Variants in NHSL1 observed in about 807,000 individuals in gnomAD.
NHSL1 encodes the protein NHS-like protein 1.
Under a neutral mutation model 95.0 loss-of-function variants are expected in NHSL1, and 48 were observed. The ratio of observed to expected loss-of-function variants is 0.51; its 90% CI spans 0.40 to 0.64. The LOEUF is 0.64. NHSL1 is among the 30% of genes least tolerant of loss of function. The pLI is 0.00. For missense variants in NHSL1, 1,971 were observed against 2,077.7 expected (o/e 0.95, Z 1.00); for synonymous variants, 783 against 833.9 (o/e 0.94, Z 1.05).
At chr6:138,528,437 A>C (rs1451647864) in intron 1 of NHSL1, among the ~76,000 whole-genome samples, 1 of 152,068 alleles carries the variant, frequency 6.6e-6, no homozygotes, top group African/African-American at 2.4e-5. Flanking sequence ...CTGCCAACCT[A>C]CCCTGCCTTT....
intron 5 of NHSL1, among the ~76,000 whole-genome samples, chr6:138,440,308 A>C (rs1267496884): frequency 2.6e-5 from 4 of 152,204 alleles, no homozygotes; most frequent in Admixed American, 6.5e-5. Flanking sequence ...AGTCTGAAAG[A>C]ATAAGGCATA....
intron 7 of NHSL1, among the ~76,000 whole-genome samples, chr6:138,426,213 T>C (rs1775252910): frequency 6.6e-6 from 1 of 152,214 alleles, no homozygotes; most frequent in African/African-American, 2.4e-5. Context: ...TATAAAATTG[T>C]AGAATATGCA....
rs146123330 is a variant in NHSL1, at chr6:138,554,491, A to T, written c.202+17219T>A. Among the ~76,000 whole-genome samples, 93 of 152,334 alleles carry T rather than the reference A, an allele frequency of 6.1e-4. 2 individuals are homozygous for T. In the East Asian group the frequency reaches 0.018, roughly 29 times the overall value. ...AGGCGGACCACAGTTCTGCCACAAT[A>T]TATGTGTTAATAAAACATAACCAGA... On this transcript the variant is annotated intron_variant, in intron 1 of 6. Coordinates refer to the NHSL1 transcript ENST00000427025.
intron 2 of NHSL1, among the ~76,000 whole-genome samples, chr6:138,495,673 T>C (rs750829361): frequency 2.0e-5 from 3 of 152,174 alleles, no homozygotes; most frequent in Non-Finnish European, 4.4e-5. Flanking sequence ...AATAGGCAAG[T>C]TTCTGCAGAG....
intron 1 of NHSL1, among the ~76,000 whole-genome samples, chr6:138,512,108 C>T (rs1781260138): frequency 1.3e-5 from 2 of 152,260 alleles, no homozygotes; most frequent in Admixed American, 6.5e-5. Flanking sequence ...AATAAAGCTG[C>T]CACAATCAAT....
intron 1 of NHSL1, among the ~76,000 whole-genome samples, chr6:138,624,021 G>T (rs6912141): frequency 0.039 from 5,933 of 152,230 alleles, 308 homozygotes; most frequent in African/African-American, 0.12. Context: ...CAGCCATGTG[G>T]AACTGTGAGT....
intron 1 of NHSL1, among the ~76,000 whole-genome samples, chr6:138,561,377 C>G (rs866540224): frequency 6.6e-6 from 1 of 152,144 alleles, no homozygotes; most frequent in Non-Finnish European, 1.5e-5. Context: ...CTTATTCCCT[C>G]CTCTTCCCTC....
In NHSL1 at chr6:138,424,705, T is replaced by A; in HGVS notation, c.4197A>T (p.Pro1399=). 2 of 1,551,428 alleles carry A rather than the reference T, an allele frequency of 1.3e-6. No individual in the cohort carries two copies. The highest frequency in any genetic ancestry group is 1.7e-6 in the Non-Finnish European group (2 of 1,146,932). The part of the protein sequence containing the change: ...PTGAAPSLAS[P]KQVGSIQRSI... ...TTCTCTGAATCGACCCCACTTGCTTTGGAGAGGCCAGGCTTGGGGCAGCGC... is the reference window on the plus strand; with the variant it reads ...TTCTCTGAATCGACCCCACTTGCTTAGGAGAGGCCAGGCTTGGGGCAGCGC... Residue 1399 remains proline (P), a synonymous_variant, in exon 8 of 8, where the codon CCA becomes CCT. Transcript: ENST00000343505. The surrounding 1 kb of genome is among the most constrained non-coding windows in gnomAD (Gnocchi z 5.9).
At chr6:138,490,395 T>C (rs190592487) in intron 2 of NHSL1, among the ~76,000 whole-genome samples, 5 of 152,146 alleles carry the variant, frequency 3.3e-5, no homozygotes, top group Admixed American at 1.3e-4. Context: ...ATCTGCGATA[T>C]CTCAGGGACC....
chr6:138,685,621 T>A (rs1202322567), intron 1 of NHSL1, among the ~76,000 whole-genome samples: 2 of 151,882 alleles, frequency 1.3e-5, no homozygotes, highest in Non-Finnish European at 2.9e-5. Flanking sequence ...GAGGCCAAGG[T>A]GGGAGGATTG....
chr6:138,495,868 T>C (rs369630075), intron 2 of NHSL1, among the ~76,000 whole-genome samples: 7 of 152,226 alleles, frequency 4.6e-5, no homozygotes, highest in South Asian at 4.1e-4. Context: ...CAAGAGAGAA[T>C]TGACAGCCAA....
At chr6:138,515,045 C>T (rs997865765) in intron 1 of NHSL1, among the ~76,000 whole-genome samples, 6 of 151,992 alleles carry the variant, frequency 3.9e-5, no homozygotes, top group Non-Finnish European at 7.4e-5. Context: ...CTGTGACTGA[C>T]GGGCAGGCAG....
chr6:138,449,121 C>T (rs1193334736), intron 3 of NHSL1, among the ~76,000 whole-genome samples: 1 of 151,332 alleles, frequency 6.6e-6, no homozygotes, highest in East Asian at 1.9e-4. Context: ...CTACTGCATT[C>T]ATCTTGCTGC....
At chr6:138,547,680 G>A (rs1431746248), upstream of NHSL1, among the ~76,000 whole-genome samples, 1 of 152,192 alleles carries the variant, frequency 6.6e-6, no homozygotes, top group Non-Finnish European at 1.5e-5. Context: ...ACCATCCCCG[G>A]CCTGATATTA....
chr6:138,589,666 C>A (rs1317846173), intron 1 of NHSL1, among the ~76,000 whole-genome samples: 1 of 152,206 alleles, frequency 6.6e-6, no homozygotes, highest in Non-Finnish European at 1.5e-5. Context: ...CATTCCACCT[C>A]CTTCTCACAG....
At position 138,472,090 on chromosome 6, in the gene NHSL1, G is replaced by A. The variant is rs548171106; in HGVS notation, c.339+1216C>T. On this transcript the variant is annotated intron_variant, in intron 3 of 7. Transcript: ENST00000343505. The stretch of plus-strand genomic sequence containing the variant: ...CCAGCTACTTGGGAGGCTGAGGTAC[G>A]AGAATTGCTTGAACCTGGGAGATGG... Among the ~76,000 whole-genome samples the A allele has an allele frequency of 4.7e-5, 7 of 149,852 alleles. No individual in the cohort carries two copies. The South Asian group carries it at 1.5e-3, about 31-fold the overall frequency.
chr6:138,680,615 T>C (rs1424149328), intron 1 of NHSL1, among the ~76,000 whole-genome samples: 1 of 152,186 alleles, frequency 6.6e-6, no homozygotes, highest in Non-Finnish European at 1.5e-5. Context: ...TCCCTTTTCC[T>C]CTTTTATTTT....
intron 2 of NHSL1, among the ~76,000 whole-genome samples, chr6:138,484,095 C>T (rs1225999774): frequency 6.6e-6 from 1 of 152,204 alleles, no homozygotes; most frequent in Non-Finnish European, 1.5e-5. Context: ...ATGTCTGGTG[C>T]ACCATCATGG....
chr6:138,480,977 C>T (rs1013249028), intron 2 of NHSL1, among the ~76,000 whole-genome samples: 4 of 152,050 alleles, frequency 2.6e-5, no homozygotes, highest in Non-Finnish European at 4.4e-5. Context: ...TCTGGTAGAT[C>T]GAAGTTTTTA....
Sources: allele counts gnomAD v4.1 joint callset (sites outside exome capture counted in the v4.1 genomes callset), GRCh38; gene constraint gnomAD v4.1.1; non-coding constraint Gnocchi (gnomAD v3.1); transcripts MANE v1.5; gene names NCBI Gene and HGNC (gene_info 2026-07-23, HGNC 2026-07-21).